Variants in SPOCK1 observed in about 807,000 individuals in gnomAD.
SPOCK1 encodes the protein testican-1.
In SPOCK1, 23 loss-of-function variants were observed where a neutral mutation model predicts 55.3. The observed-to-expected ratio is 0.42, with a 90% confidence interval of 0.30 to 0.59. SPOCK1 has a LOEUF of 0.59. SPOCK1 is among the 20% of genes least tolerant of loss of function. SPOCK1 has a pLI of 0.22. For synonymous variants in SPOCK1, 226 were observed against 221.0 expected, an observed-to-expected ratio of 1.02 and a Z score of -0.20; for missense variants, 499 against 552.5, an observed-to-expected ratio of 0.90 and a Z score of 0.97.
At chr5:137,006,143 C>T (rs1220953221) in intron 6 of SPOCK1, among the ~76,000 whole-genome samples, 2 of 152,170 alleles carry the variant, frequency 1.3e-5, no homozygotes, top group Non-Finnish European at 2.9e-5. Flanking sequence ...TAGCATGATG[C>T]TCCCAGCTTC....
In SPOCK1 at chr5:137,104,334, G is replaced by A. The variant is rs145893477; in HGVS notation, c.474+8101C>T. Among the ~76,000 whole-genome samples, 343 of 152,182 alleles carry A rather than the reference G, an allele frequency of 2.3e-3. 7 individuals carry two copies. The highest frequency in any genetic ancestry group is 8.0e-3 in the African/African-American group (334 of 41,496). On this transcript the variant is annotated intron_variant, in intron 5 of 10. Transcript: ENST00000394945. ...CCACCATGATTATAAATTTCCTGAG[G>A]CCTCCCCAGAAGCAGAAGCTTGTAC...
intron 6 of SPOCK1, among the ~76,000 whole-genome samples, chr5:137,058,397 G>A (rs1310519917): frequency 1.3e-5 from 2 of 152,180 alleles, no homozygotes; most frequent in African/African-American, 4.8e-5. Context: ...TATGTATAAA[G>A]TGCTTAGCAC....
At chr5:137,158,907 C>T (rs1448506266) in intron 3 of SPOCK1, among the ~76,000 whole-genome samples, 1 of 152,138 alleles carries the variant, frequency 6.6e-6, no homozygotes, top group African/African-American at 2.4e-5. Context: ...TGTGGCTTCT[C>T]CAGGCTCCAC....
intron 6 of SPOCK1, among the ~76,000 whole-genome samples, chr5:137,022,566 TTAC>T (rs1751597004): frequency 6.6e-6 from 1 of 152,132 alleles, no homozygotes; most frequent in Non-Finnish European, 1.5e-5. Flanking sequence ...ATATAGAATA[TTAC>T]ACTCATGCAA....
intron 2 of SPOCK1, among the ~76,000 whole-genome samples, chr5:137,425,849 G>C (rs928011766): frequency 6.6e-6 from 1 of 150,824 alleles, no homozygotes; most frequent in African/African-American, 2.4e-5. Flanking sequence ...AATTTATTAA[G>C]ATGTTTAAAA....
chr5:137,167,956 A>G (rs1754679910), intron 3 of SPOCK1, among the ~76,000 whole-genome samples: 1 of 152,124 alleles, frequency 6.6e-6, no homozygotes, highest in African/African-American at 2.4e-5. Flanking sequence ...ACTTACTAGA[A>G]GAAAAGAAAT....
At chr5:137,210,876 C>A (rs1755598385) in intron 3 of SPOCK1, among the ~76,000 whole-genome samples, 1 of 152,230 alleles carries the variant, frequency 6.6e-6, no homozygotes, top group Non-Finnish European at 1.5e-5. Flanking sequence ...CATGACATCA[C>A]TGGAGTCCAG....
intron 3 of SPOCK1, among the ~76,000 whole-genome samples, chr5:137,236,387 C>T (rs561025277): frequency 1.3e-5 from 2 of 152,334 alleles, no homozygotes; most frequent in South Asian, 4.1e-4. Flanking sequence ...CACAGCCACA[C>T]CCCAAGCATT....
At chr5:137,225,591 G>A (rs1755929555) in intron 3 of SPOCK1, among the ~76,000 whole-genome samples, 1 of 152,120 alleles carries the variant, frequency 6.6e-6, no homozygotes, top group South Asian at 2.1e-4. Context: ...ACTCTCAAAT[G>A]CTAGGGCATG....
chr5:137,038,536 G>A (rs764086487), intron 6 of SPOCK1, among the ~76,000 whole-genome samples: 10 of 152,230 alleles, frequency 6.6e-5, no homozygotes, highest in Non-Finnish European at 1.5e-4. Context: ...AGAAGGCAGG[G>A]AAGGGCAAAG....
At chr5:137,306,869 C>T (rs1757709460) in intron 2 of SPOCK1, among the ~76,000 whole-genome samples, 1 of 152,174 alleles carries the variant, frequency 6.6e-6, no homozygotes, top group Admixed American at 6.5e-5. Flanking sequence ...GCCACTATGT[C>T]ATACAAGCTT....
intron 2 of SPOCK1, among the ~76,000 whole-genome samples, chr5:137,320,601 C>A (rs1757963628): frequency 6.6e-6 from 1 of 152,178 alleles, no homozygotes; most frequent in East Asian, 1.9e-4. Context: ...GCCAGAAAAC[C>A]TGAAATACCT....
At chr5:137,256,732 C>T (rs1580832637) in intron 3 of SPOCK1, among the ~76,000 whole-genome samples, 1 of 152,120 alleles carries the variant, frequency 6.6e-6, no homozygotes, top group African/African-American at 2.4e-5. Flanking sequence ...AGTCTGTCCC[C>T]AACTCTGCGA....
intron 2 of SPOCK1, among the ~76,000 whole-genome samples, chr5:137,392,333 G>A (rs1318592705): frequency 6.6e-6 from 1 of 152,054 alleles, no homozygotes; most frequent in East Asian, 1.9e-4. Context: ...AATCCCCAAC[G>A]CCAGCCCACA....
intron 6 of SPOCK1, among the ~76,000 whole-genome samples, chr5:137,002,270 A>C (rs1014668690): frequency 6.6e-6 from 1 of 152,204 alleles, no homozygotes; most frequent in Non-Finnish European, 1.5e-5. Context: ...TGATTTGAGG[A>C]GACTTTAATG....
chr5:137,434,510 T>TTTTTTTTTG (rs1752817196), intron 2 of SPOCK1, among the ~76,000 whole-genome samples: 1 of 120,688 alleles, frequency 8.3e-6, no homozygotes, highest in Non-Finnish European at 1.7e-5. Context: ...TTTTTTTTTT[T>TTTTTTTTTG]GAGATGGAGT....
intron 3 of SPOCK1, among the ~76,000 whole-genome samples, chr5:137,157,675 G>A (rs1299646098): frequency 1.3e-5 from 2 of 152,110 alleles, no homozygotes; most frequent in Non-Finnish European, 2.9e-5. Flanking sequence ...CATTCCCCAG[G>A]CACTAACCTC....
In SPOCK1 at chr5:137,164,924, T is replaced by C. The variant is rs550311373; in HGVS notation, c.233-24230A>G. Among the ~76,000 whole-genome samples, 5 of 152,302 alleles carry C rather than the reference T, an allele frequency of 3.3e-5. No individual in the cohort carries two copies. In the South Asian group the frequency reaches 1.0e-3, roughly 32 times the overall value. ...TAAAATAGAACACTAGGTAAATGTC[T>C]AAGGTTTTTGACTGTAGTCCCTGGC... is the stretch of plus-strand genomic sequence containing the variant. On this transcript the variant is annotated intron_variant, in intron 3 of 10. Transcript: ENST00000394945.
intron 3 of SPOCK1, among the ~76,000 whole-genome samples, chr5:137,176,369 C>G (rs1754851878): frequency 1.3e-5 from 2 of 152,032 alleles, no homozygotes; most frequent in African/African-American, 4.8e-5. Context: ...TGGCAGATCC[C>G]CTAGAAGCAG....
Sources: allele counts gnomAD v4.1 joint callset (sites outside exome capture counted in the v4.1 genomes callset), GRCh38; gene constraint gnomAD v4.1.1; transcripts MANE v1.5; gene names NCBI Gene and HGNC (gene_info 2026-07-23, HGNC 2026-07-21).